GJB7: variants seen among roughly 807,000 people sequenced by gnomAD.
GJB7 encodes the protein gap junction beta-7 protein.
For synonymous variants in GJB7, 87 were observed against 95.2 expected (o/e 0.91, Z 0.50); for missense variants, 253 against 256.8 (o/e 0.99, Z 0.10).
At chr6:87,323,966 C>G (rs950153777) in intron 1 of GJB7, among the ~76,000 whole-genome samples, 2 of 151,426 alleles carry the variant, frequency 1.3e-5, no homozygotes, top group East Asian at 1.9e-4. Flanking sequence ...GATTGCCATT[C>G]TAACTGCTGT....
rs529902502 is a variant in GJB7, at chr6:87,311,666, G to A, written c.-28+11200C>T. 3.3e-5 allele frequency among the ~76,000 whole-genome samples: 5 copies of A among 152,300 alleles called. No homozygotes were observed. The South Asian group carries it at 1.0e-3, about 32-fold the overall frequency. On this transcript the variant is annotated intron_variant, in intron 2 of 2. Transcript: ENST00000525899. ...AGTCTGGAGATGAGTTTTATGAAGA[G>A]CAAACTATTGTCCTGATTAAGTGAG... is the stretch of plus-strand genomic sequence containing the variant.
intron 2 of GJB7, among the ~76,000 whole-genome samples, chr6:87,313,635 T>A (rs954379753): frequency 1.5e-4 from 23 of 152,332 alleles, no homozygotes; most frequent in African/African-American, 5.5e-4. Flanking sequence ...GAAATATAAA[T>A]CTTCAGAGAA....
intron 2 of GJB7, among the ~76,000 whole-genome samples, chr6:87,305,574 T>A (rs1335270088): frequency 6.6e-6 from 1 of 152,130 alleles, no homozygotes; most frequent in Non-Finnish European, 1.5e-5. Context: ...ATAGGAAGAA[T>A]CAATATTATG....
At chr6:87,328,560 G>T (rs1377444197) in intron 1 of GJB7, among the ~76,000 whole-genome samples, 1 of 152,102 alleles carries the variant, frequency 6.6e-6, no homozygotes, top group African/African-American at 2.4e-5. Flanking sequence ...CAGTTAGGCT[G>T]CTCGGGGGTC....
intron 2 of GJB7, among the ~76,000 whole-genome samples, chr6:87,303,122 T>C (rs1776362876): frequency 6.6e-6 from 1 of 152,164 alleles, no homozygotes; most frequent in Admixed American, 6.5e-5. Flanking sequence ...CATCAACTTA[T>C]GAGCAAAATA....
At chr6:87,328,267 C>T (rs1334905682) in intron 1 of GJB7, among the ~76,000 whole-genome samples, 1 of 151,576 alleles carries the variant, frequency 6.6e-6, no homozygotes, top group African/African-American at 2.4e-5. Context: ...AAGTCATTCT[C>T]CGTCCAACTT....
chr6:87,305,449 C>T (rs143402523), intron 2 of GJB7, among the ~76,000 whole-genome samples: 3,375 of 152,136 alleles, frequency 0.022, 121 homozygotes, highest in African/African-American at 0.077. Context: ...GAATAAAATA[C>T]CTAGGAATCC....
chr6:87,323,941 T>C (rs935134186), intron 1 of GJB7, among the ~76,000 whole-genome samples: 6 of 151,778 alleles, frequency 4.0e-5, no homozygotes, highest in African/African-American at 1.5e-4. Flanking sequence ...ACCTGTTGTT[T>C]CCTGACTTTT....
intron 2 of GJB7, among the ~76,000 whole-genome samples, chr6:87,289,568 C>A (rs993063660): frequency 6.6e-6 from 1 of 152,176 alleles, no homozygotes; most frequent in Non-Finnish European, 1.5e-5. Context: ...CCTGGAGATG[C>A]ATTTTATAGA....
chr6:87,319,520 G>A (rs1370023407), intron 2 of GJB7, among the ~76,000 whole-genome samples: 1 of 152,192 alleles, frequency 6.6e-6, no homozygotes, highest in Non-Finnish European at 1.5e-5. Context: ...GTTTGGGTCT[G>A]CTTAGGATGC....
At chr6:87,304,799 C>T (rs985043164) in intron 2 of GJB7, among the ~76,000 whole-genome samples, 1 of 152,180 alleles carries the variant, frequency 6.6e-6, no homozygotes, top group African/African-American at 2.4e-5. Context: ...AAACCAAATC[C>T]AGCAGCACAT....
At chr6:87,307,617 A>G (rs185572833) in intron 2 of GJB7, among the ~76,000 whole-genome samples, 17 of 152,348 alleles carry the variant, frequency 1.1e-4, no homozygotes, top group Admixed American at 9.8e-4. Flanking sequence ...CAACAGACAC[A>G]TGAAAAAATG....
intron 2 of GJB7, among the ~76,000 whole-genome samples, chr6:87,311,536 T>G (rs1776512608): frequency 6.6e-6 from 1 of 152,184 alleles, no homozygotes. Flanking sequence ...GGTTTGGGAT[T>G]CTGGATTCAT....
intron 2 of GJB7, among the ~76,000 whole-genome samples, chr6:87,292,974 A>G (rs1214461320): frequency 2.0e-5 from 3 of 152,230 alleles, no homozygotes; most frequent in Non-Finnish European, 4.4e-5. Context: ...TGGTTATTCC[A>G]TATATCCATA....
At chr6:87,294,937 C>A (rs1428054405) in intron 2 of GJB7, among the ~76,000 whole-genome samples, 1 of 152,304 alleles carries the variant, frequency 6.6e-6, no homozygotes, top group Non-Finnish European at 1.5e-5. Context: ...ACTTCGTAGC[C>A]TTGCTCAAGA....
rs187004723 is a variant in GJB7, at chr6:87,303,765, A to T, written c.-27-18826T>A. ...TTGCACTTATTCCAAAATTGACCTC[A>T]TAGTTGGAAGTAAAGCACTCTTCAG... On this transcript the variant is annotated intron_variant, in intron 2 of 2. Transcript: ENST00000525899. Among the ~76,000 whole-genome samples the T allele has an allele frequency of 1.3e-3, 192 of 152,342 alleles. 1 individual carries two copies. The highest frequency in any genetic ancestry group is 1.7e-3 in the Non-Finnish European group (114 of 68,032).
At chr6:87,312,345 C>G (rs1776521470) in intron 2 of GJB7, among the ~76,000 whole-genome samples, 2 of 151,818 alleles carry the variant, frequency 1.3e-5, no homozygotes, top group African/African-American at 4.8e-5. Flanking sequence ...AACCCCGTCT[C>G]TACTAAAAAT....
At chr6:87,324,676 T>C (rs1776771018) in intron 1 of GJB7, among the ~76,000 whole-genome samples, 1 of 151,410 alleles carries the variant, frequency 6.6e-6, no homozygotes, top group South Asian at 2.1e-4. Context: ...ACTGTAGCCT[T>C]GTAGTATACT....
At chr6:87,321,844 A>C (rs1776669316) in intron 2 of GJB7, among the ~76,000 whole-genome samples, 1 of 152,130 alleles carries the variant, frequency 6.6e-6, no homozygotes, top group African/African-American at 2.4e-5. Flanking sequence ...GGTGCAGGAG[A>C]GAGAGAGAAA....
Sources: allele counts gnomAD v4.1 joint callset (sites outside exome capture counted in the v4.1 genomes callset), GRCh38; gene constraint gnomAD v4.1.1; transcripts MANE v1.5; gene names NCBI Gene and HGNC (gene_info 2026-07-23, HGNC 2026-07-21).